The following MET variants were observed in gnomAD, a reference collection of about 807,000 sequenced individuals.
MET encodes hepatocyte growth factor receptor.
In MET, 48 loss-of-function variants were observed where a neutral mutation model predicts 133.1. The ratio of observed to expected loss-of-function variants is 0.36; its 90% CI spans 0.29 to 0.46. MET has a LOEUF of 0.46. Among genes scored for constraint, MET ranks in the 20% least tolerant of loss-of-function variants. The pLI is 1.00. For synonymous variants in MET, 628 were observed against 616.5 expected, an observed-to-expected ratio of 1.02 and a Z score of -0.28; for missense variants, 1,442 against 1,695.9, an observed-to-expected ratio of 0.85 and a Z score of 2.63.
intron 1 of MET, among the ~76,000 whole-genome samples, chr7:116,678,737 G>A (rs554748853): frequency 6.6e-6 from 1 of 152,168 alleles, no homozygotes; most frequent in South Asian, 2.1e-4. Context: ...GGACCAGAGT[G>A]TATCTAGACC....
intron 5 of MET, among the ~76,000 whole-genome samples, chr7:116,743,150 C>T (rs563531071): frequency 6.6e-6 from 1 of 152,314 alleles, no homozygotes; most frequent in Non-Finnish European, 1.5e-5. Flanking sequence ...ACTCCCTCCC[C>T]TAGCAAAAGG....
intron 3 of MET, among the ~76,000 whole-genome samples, chr7:116,734,511 A>G (rs1280439431): frequency 2.6e-5 from 4 of 152,228 alleles, no homozygotes; most frequent in Non-Finnish European, 5.9e-5. Flanking sequence ...ATGGCAGGGA[A>G]GACATTTTTG....
chr7:116,750,379 A>G (rs936780067), intron 5 of MET, among the ~76,000 whole-genome samples: 2 of 152,256 alleles, frequency 1.3e-5, no homozygotes, highest in Non-Finnish European at 2.9e-5. Flanking sequence ...GGCTATCCAT[A>G]TGCAGAAAAC....
chr7:116,775,422 G>A (rs1445866185), intron 15 of MET, among the ~76,000 whole-genome samples: 1 of 152,044 alleles, frequency 6.6e-6, no homozygotes, highest in Non-Finnish European at 1.5e-5. Flanking sequence ...TAAAACTCAG[G>A]GCCAGGCGCA....
At chr7:116,703,685 A>C (rs1791667233) in intron 2 of MET, among the ~76,000 whole-genome samples, 1 of 152,076 alleles carries the variant, frequency 6.6e-6, no homozygotes, top group Non-Finnish European at 1.5e-5. Flanking sequence ...TAATGTGACA[A>C]TTTCAGGAAA....
rs1485891606 is a variant in MET at position 116,758,460 on chromosome 7, G to A, written c.2104G>A (p.Val702Met). The A allele has an allele frequency of 6.2e-7, 1 of 1,613,216 alleles. No individual in the cohort carries two copies. Among genetic ancestry groups the A allele is most frequent in the Non-Finnish European group, 8.5e-7 (1 of 1,179,508 alleles). The change falls in exon 9 of 21, where the codon GTG becomes ATG. Residue 702 changes from valine (V) to methionine (M), a missense_variant and splice_region_variant. This residue lies in a region of MET where 514 missense variants were observed against 659.6 expected (regional missense o/e 0.78). Coordinates refer to ENST00000397752, the MANE Select transcript of MET (RefSeq NM_000245.4). ...IGGKTCTLKS[V>M]SNSILECYTP... ...ACTTCCTTAATTTTTTTTGTTCAGTGTGTCAAACAGTATTCTTGAATGTTA... is the reference window on the plus strand; with the variant it reads ...ACTTCCTTAATTTTTTTTGTTCAGTATGTCAAACAGTATTCTTGAATGTTA...
chr7:116,785,747 A>T (rs1795292454), intron 19 of MET, among the ~76,000 whole-genome samples: 1 of 152,246 alleles, frequency 6.6e-6, no homozygotes, highest in African/African-American at 2.4e-5. Context: ...AAAGGAAGAG[A>T]TGAAAGGAGG....
At position 116,736,759 on chromosome 7, in the gene MET, A is replaced by G. The variant is rs142947751; in HGVS notation, c.1393-3191A>G. Among the ~76,000 whole-genome samples the G allele has an allele frequency of 6.5e-3, 986 of 152,336 alleles. 5 individuals are homozygous for G. Among genetic ancestry groups the G allele is most frequent in the Non-Finnish European group, 9.9e-3 (676 of 68,030 alleles). ...GCCATTAAAGAAAAAATATCCTGTGACCTAATTACTAAAGATTAGTTGTTG... is the reference window on the plus strand; with the variant it reads ...GCCATTAAAGAAAAAATATCCTGTGGCCTAATTACTAAAGATTAGTTGTTG... On this transcript the variant is annotated intron_variant, in intron 3 of 20. Transcript: ENST00000397752.
chr7:116,794,420 C>T (rs1795609393), intron 19 of MET, among the ~76,000 whole-genome samples: 1 of 152,198 alleles, frequency 6.6e-6, no homozygotes, highest in African/African-American at 2.4e-5. Flanking sequence ...TAGCTCCCTC[C>T]TGGCAAGGGG....
intron 5 of MET, among the ~76,000 whole-genome samples, chr7:116,750,028 T>G (rs573601571): frequency 2.0e-5 from 3 of 152,112 alleles, no homozygotes; most frequent in African/African-American, 7.2e-5. Context: ...ATACATTCAA[T>G]GCTATCCCCA....
rs978734201 is a variant in MET, at chr7:116,777,421, T to C, written c.3292T>C (p.Leu1098=). ...TGGTTGTGTATATCATGGGACTTTG[T>C]TGGACAATGATGGCAAGAAAATTCA... is the stretch of plus-strand genomic sequence containing the variant. ...HFGCVYHGTL[L]DNDGKKIHCA... The change falls in exon 16 of 21, where the codon TTG becomes CTG. Residue 1098 remains leucine (L), a synonymous_variant. Transcript: ENST00000397752. 6.2e-7 allele frequency: 1 copy of C among 1,613,786 alleles called. No individual in the cohort carries two copies. The highest frequency in any genetic ancestry group is 8.5e-7 in the Non-Finnish European group (1 of 1,179,858).
At chr7:116,713,194 G>T (rs1405133922) in intron 2 of MET, among the ~76,000 whole-genome samples, 1 of 152,158 alleles carries the variant, frequency 6.6e-6, no homozygotes, top group East Asian at 1.9e-4. Context: ...AGGAGATCGA[G>T]ACCATCCCGG....
intron 17 of MET, among the ~76,000 whole-genome samples, chr7:116,780,651 C>T (rs1352487633): frequency 2.0e-5 from 3 of 152,232 alleles, no homozygotes; most frequent in African/African-American, 7.2e-5. Context: ...AGAGCAACCA[C>T]AAACCCAGAT....
intron 3 of MET, among the ~76,000 whole-genome samples, chr7:116,733,896 C>T (rs1341097476): frequency 1.3e-5 from 2 of 152,124 alleles, no homozygotes; most frequent in African/African-American, 2.4e-5. Flanking sequence ...AAGGGCTATT[C>T]GAAACCACAG....
At chr7:116,744,297 A>T (rs1476298502) in intron 5 of MET, among the ~76,000 whole-genome samples, 1 of 152,206 alleles carries the variant, frequency 6.6e-6, no homozygotes, top group Non-Finnish European at 1.5e-5. Context: ...CTTGAAAAAA[A>T]AGCTAGAGGA....
chr7:116,736,709 A>G (rs1161189760), intron 3 of MET, among the ~76,000 whole-genome samples: 1 of 152,204 alleles, frequency 6.6e-6, no homozygotes, highest in Admixed American at 6.5e-5. Context: ...CCCTGCCCCA[A>G]ATGTATTAGT....
chr7:116,679,092 C>A (rs1796259787), intron 1 of MET, among the ~76,000 whole-genome samples: 2 of 152,050 alleles, frequency 1.3e-5, no homozygotes, highest in South Asian at 4.2e-4. Context: ...CCTTACTAAC[C>A]CCAAGGAAAT....
chr7:116,725,793 T>C (rs1231626589), intron 2 of MET, among the ~76,000 whole-genome samples: 2 of 150,572 alleles, frequency 1.3e-5, no homozygotes, highest in Non-Finnish European at 1.5e-5. Flanking sequence ...AATATACTAG[T>C]ATATATTTAT....
intron 10 of MET, 155 bp downstream of exon 10, chr7:116,759,645 T>A (rs1794320104): frequency 1.2e-6 from 1 of 833,596 alleles, no homozygotes. Context: ...ATTTAATAAC[T>A]GAAATTATCT....
Sources: allele counts gnomAD v4.1 joint callset (sites outside exome capture counted in the v4.1 genomes callset), GRCh38; gene constraint gnomAD v4.1.1; regional missense constraint gnomAD v4.1.1; transcripts MANE v1.5; gene names NCBI Gene and HGNC (gene_info 2026-07-23, HGNC 2026-07-21).